The following POLDIP2 variants were observed in gnomAD, a reference collection of about 807,000 sequenced individuals.
The protein encoded by POLDIP2 is DNA polymerase delta interacting protein 2.
Under a neutral mutation model 52.9 loss-of-function variants are expected in POLDIP2, and 32 were observed. That is an observed-to-expected ratio of 0.61 (90% CI 0.46 to 0.81). The LOEUF is 0.81. Ranked by LOEUF, POLDIP2 falls within the 40% of genes least tolerant of loss-of-function variation. The probability of loss-of-function intolerance (pLI) is 0.00; values close to 1 mark genes in which losing one functional copy is unlikely to be tolerated. For missense variants in POLDIP2, 371 were observed against 477.3 expected, an observed-to-expected ratio of 0.78 and a Z score of 2.07; for synonymous variants, 183 against 183.0, an observed-to-expected ratio of 1.00 and a Z score of 0.00.
At position 28,355,816 on chromosome 17, in the gene POLDIP2, A is replaced by C; in HGVS notation, c.222T>G (p.Asn74Lys). 6.2e-7 allele frequency: 1 copy of C among 1,612,860 alleles called. No individual in the cohort carries two copies. The highest frequency in any genetic ancestry group is 1.1e-5 in the South Asian group (1 of 90,772). The change falls in exon 2 of 11, where the codon AAT becomes AAG. Residue 74 changes from asparagine (N) to lysine (K), a missense_variant. Coordinates refer to ENST00000540200, the MANE Select transcript of POLDIP2 (RefSeq NM_015584.5). ...TCACCTGCCCGGTCTCATATTTTCC[A>C]TTCTGTTTTGGCACCTCAAACACAC... ...TVGVFEVPKQNGKYETGQLFL... is the reference protein window; with the variant it reads ...TVGVFEVPKQKGKYETGQLFL...
In POLDIP2 at chr17:28,357,312, G is replaced by T; in HGVS notation, c.137C>A (p.Thr46Lys). The T allele has an allele frequency of 6.3e-7, 1 of 1,580,426 alleles. No individual in the cohort carries two copies. Among genetic ancestry groups the T allele is most frequent in the Non-Finnish European group, 8.5e-7 (1 of 1,173,068 alleles). ...AGAFSPASTTTTRRHLSSRNR... is the reference protein window; with the variant it reads ...AGAFSPASTTKTRRHLSSRNR... Reference sequence around the variant, plus strand: ...CCGGGACGAGAGGTGCCTCCGCGTCGTCGTGGTCGACGCTGGCGAGAAGGC... The same window carrying T: ...CCGGGACGAGAGGTGCCTCCGCGTCTTCGTGGTCGACGCTGGCGAGAAGGC... Residue 46 changes from threonine (T) to lysine (K), a missense_variant, in exon 1 of 11, where the codon ACG becomes AAG. By Grantham distance (78) the Thr-to-Lys change is moderately conservative. Transcript: ENST00000540200.
chr17:28,356,950 G>C (rs1908065673), intron 1 of POLDIP2, among the ~76,000 whole-genome samples: 2 of 152,216 alleles, frequency 1.3e-5, no homozygotes, highest in Non-Finnish European at 2.9e-5. Flanking sequence ...CAAATCCAAA[G>C]GCTGAGGGTT....
In POLDIP2 at chr17:28,351,733, G is replaced by C; in HGVS notation, c.690C>G (p.Leu230=). ...WQEKNHPWLE[L]SDVHRETTEN... is the part of the protein sequence containing the mutation. The stretch of plus-strand genomic sequence containing the variant: ...CAGTTGTTTCCCGATGAACATCGGA[G>C]AGCTCCAGCCAGGGGTGATTCTTCT... The change falls in exon 7 of 11, where the codon CTC becomes CTG. Residue 230 remains leucine (L), a synonymous_variant. Transcript: ENST00000540200. 1.9e-6 allele frequency: 3 copies of C among 1,613,310 alleles called. No individual in the cohort carries two copies. Among genetic ancestry groups the C allele is most frequent in the Non-Finnish European group, 1.7e-6 (2 of 1,179,252 alleles).
chr17:28,348,605 G>A (rs951810132), intron 10 of POLDIP2, among the ~76,000 whole-genome samples: 15 of 152,146 alleles, frequency 9.9e-5, no homozygotes, highest in East Asian at 1.9e-4. Context: ...CCAGCTACTC[G>A]GGAGGCTGAG....
intron 1 of POLDIP2, among the ~76,000 whole-genome samples, chr17:28,356,380 G>C (rs1908029929): frequency 6.6e-6 from 1 of 152,072 alleles, no homozygotes; most frequent in African/African-American, 2.4e-5. Context: ...GCCTGAGTCT[G>C]ATTAGCTGGT....
At chr17:28,350,878 T>C in intron 7 of POLDIP2, 86 bp from the exon 8 acceptor site, 1 of 1,150,106 alleles carries the variant, frequency 8.7e-7, no homozygotes, top group African/African-American at 1.5e-5. Flanking sequence ...AGTTGATGTA[T>C]TCCAGGAAGG....
chr17:28,357,478 A>C lies in POLDIP2; in HGVS notation c.-30T>G, dbSNP rs1055089921. ...CGCCCGAGCGCCCGCCCGGCTGCTG[A>C]CACAGAGCCCGACCCGCGGCCGGGC... On this transcript the variant is annotated 5_prime_UTR_variant, in exon 1 of 11. Coordinates refer to ENST00000540200, the MANE Select transcript of POLDIP2 (RefSeq NM_015584.5). 5.6e-6 allele frequency: 8 copies of C among 1,427,136 alleles called. No homozygotes were observed. The highest frequency in any genetic ancestry group is 6.3e-6 in the Non-Finnish European group (7 of 1,103,448). The allele number at this position is 1,427,136 out of a possible 1,614,324, so 88.4% of individuals were successfully genotyped here.
In POLDIP2 at chr17:28,347,203, T is replaced by C. The variant is rs1373625093; in HGVS notation, c.*914A>G. The C allele has an allele frequency of 6.6e-6, 1 of 152,254 alleles. No homozygotes were observed. Among genetic ancestry groups the C allele is most frequent in the Admixed American group, 6.5e-5 (1 of 15,284 alleles). 9.4% of individuals were successfully genotyped at this position (152,254 alleles called of 1,614,324 possible). ...AACAAGGGCTGGAACTGTGATTTAA[T>C]ATTAATTCAAGAAAACTACCTCTAA... On this transcript the variant is annotated 3_prime_UTR_variant, in exon 11 of 11. Coordinates refer to ENST00000540200, the MANE Select transcript of POLDIP2 (RefSeq NM_015584.5).
Position 28,353,744 on chromosome 17 carries a change from G to A in POLDIP2, c.389C>T (p.Thr130Ile). ...GHGSKEVKGKTHTYYQVLIDA... is the reference protein window; with the variant it reads ...GHGSKEVKGKIHTYYQVLIDA... ...AATCAGCACCTGATAGTAAGTGTGAGTTTTGCCTTTCACCTCCTTGGAGCC... is the reference window on the plus strand; with the variant it reads ...AATCAGCACCTGATAGTAAGTGTGAATTTTGCCTTTCACCTCCTTGGAGCC... Residue 130 changes from threonine to isoleucine, a missense_variant, in exon 4 of 11, where the codon ACT becomes ATT. Transcript: ENST00000540200. 1 of 1,613,460 alleles carries A rather than the reference G, an allele frequency of 6.2e-7. No individual in the cohort carries two copies. Among genetic ancestry groups the A allele is most frequent in the South Asian group, 1.1e-5 (1 of 91,060 alleles).
intron 8 of POLDIP2, 35 bp downstream of exon 8, chr17:28,350,731 C>T (rs1246034558): frequency 5.0e-6 from 8 of 1,594,454 alleles, no homozygotes; most frequent in Non-Finnish European, 6.8e-6. Flanking sequence ...AGGCACACCC[C>T]ACAAGCTCCC....
At chr17:28,354,423 CCAATTA>C (rs1907936555) in intron 3 of POLDIP2, 59 bp downstream of exon 3, 1 of 1,129,688 alleles carries the variant, frequency 8.9e-7, no homozygotes, top group Non-Finnish European at 1.3e-6. Flanking sequence ...CCCTAGTACC[CCAATTA>C]CATATGTCTG....
intron 3 of POLDIP2, 60 bp from the exon 4 acceptor site, chr17:28,353,851 T>A: frequency 8.9e-7 from 1 of 1,117,552 alleles, no homozygotes; most frequent in Non-Finnish European, 1.4e-6. Context: ...TGTGGCTGAC[T>A]CAGCTCCCTA....
intron 9 of POLDIP2, among the ~76,000 whole-genome samples, chr17:28,349,462 A>G (rs1338222039): frequency 1.4e-5 from 2 of 145,370 alleles, no homozygotes; most frequent in South Asian, 2.2e-4. Context: ...ATCTCCACAA[A>G]AAAAAAAAAA....
At chr17:28,353,833 A>C in intron 3 of POLDIP2, 42 bp from the exon 4 acceptor site, 1 of 1,347,844 alleles carries the variant, frequency 7.4e-7, no homozygotes, top group Non-Finnish European at 1.1e-6. Flanking sequence ...CCCAGGAGAA[A>C]TGGAAGCTGT....
intron 2 of POLDIP2, among the ~76,000 whole-genome samples, chr17:28,354,803 A>C (rs1369860231): frequency 6.6e-6 from 1 of 152,222 alleles, no homozygotes; most frequent in African/African-American, 2.4e-5. Context: ...TTAGGCCTCC[A>C]GGAAGCCTTC....
Position 28,353,792 on chromosome 17 carries a change from C to G in POLDIP2, c.342-1G>C. The G allele has an allele frequency of 6.2e-7, 1 of 1,606,608 alleles. No homozygotes were observed. On this transcript the variant is annotated splice_acceptor_variant, in intron 3 of 10. Coordinates refer to ENST00000540200, the MANE Select transcript of POLDIP2 (RefSeq NM_015584.5). LOFTEE classifies it high-confidence loss of function. ...GCCATGGCCAGCAGGGTTCTCTGCTCTATGGGGTGGGAGAAGGAGGCCAAG... is the reference window on the plus strand; with the variant it reads ...GCCATGGCCAGCAGGGTTCTCTGCTGTATGGGGTGGGAGAAGGAGGCCAAG...
At chr17:28,357,163 A>C in intron 1 of POLDIP2, 125 bp downstream of exon 1, 2 of 927,412 alleles carry the variant, frequency 2.2e-6, no homozygotes, top group South Asian at 1.8e-5. Flanking sequence ...CCTGCTCGGG[A>C]CCCTCTCCCG....
rs1907606444 is a variant in POLDIP2 at position 28,347,138 on chromosome 17, C to T, written c.*979G>A. On this transcript the variant is annotated 3_prime_UTR_variant, in exon 11 of 11. Coordinates refer to ENST00000540200, the MANE Select transcript of POLDIP2 (RefSeq NM_015584.5). The stretch of plus-strand genomic sequence containing the variant: ...TCGTAAGCGCGACTGTACTGTTGCC[C>T]TGCAACCCCAGCTCCCCCTGGAGGA... 2 of 152,178 alleles carry T rather than the reference C, an allele frequency of 1.3e-5. No individual in the cohort carries two copies. Among genetic ancestry groups the T allele is most frequent in the African/African-American group, 4.8e-5 (2 of 41,440 alleles). 9.4% of individuals were successfully genotyped at this position (152,178 alleles called of 1,614,324 possible). A position where few individuals can be genotyped will look rare whatever the true frequency, so the allele number is the denominator to read the frequency against.
At position 28,347,879 on chromosome 17, in the gene POLDIP2, T is replaced by A. The variant is rs1291776283; in HGVS notation, c.*238A>T. On this transcript the variant is annotated 3_prime_UTR_variant, in exon 11 of 11. Coordinates refer to ENST00000540200, the MANE Select transcript of POLDIP2 (RefSeq NM_015584.5). ...GTGGCAGCTGAACACAGTTCCTTGG[T>A]GGAGAGGTTTACTGGAACATGGTGT... is the stretch of plus-strand genomic sequence containing the variant. 3 of 497,236 alleles carry A rather than the reference T, an allele frequency of 6.0e-6. No individual in the cohort carries two copies. The highest frequency in any genetic ancestry group is 1.1e-5 in the Non-Finnish European group (3 of 277,956). The allele number at this position is 497,236 out of a possible 1,614,324, so 30.8% of individuals were successfully genotyped here. A position where few individuals can be genotyped will look rare whatever the true frequency, so the allele number is the denominator to read the frequency against.
Sources: allele counts gnomAD v4.1 joint callset (sites outside exome capture counted in the v4.1 genomes callset), GRCh38; gene constraint gnomAD v4.1.1; transcripts MANE v1.5; gene names NCBI Gene and HGNC (gene_info 2026-07-23, HGNC 2026-07-21).